SCN2A: variants seen among roughly 807,000 people sequenced by gnomAD.
The protein encoded by SCN2A is sodium voltage-gated channel alpha subunit 2, also known as sodium channel protein type 2 subunit alpha.
A neutral mutation model predicts 188.7 loss-of-function variants in SCN2A; 20 were observed. The ratio of observed to expected loss-of-function variants is 0.11; its 90% CI spans 0.07 to 0.15. The LOEUF is 0.15. Ranked by LOEUF, SCN2A falls within the 10% of genes least tolerant of loss-of-function variation. SCN2A has a pLI of 1.00. For missense variants in SCN2A, 1,278 were observed against 2,445.0 expected, an observed-to-expected ratio of 0.52 and a Z score of 10.07; for synonymous variants, 804 against 833.1, an observed-to-expected ratio of 0.97 and a Z score of 0.60.
chr2:165,390,361 C>T lies in SCN2A; in HGVS notation c.*537C>T, dbSNP rs1030558217. ...TACATTTCTCTATTGTATTGTATAA[C>T]TGGATATATTTTAAATGGAGGCATG... On this transcript the variant is annotated 3_prime_UTR_variant, in exon 27 of 27. Coordinates refer to ENST00000375437, the MANE Select transcript of SCN2A (RefSeq NM_001040142.2). The T allele has an allele frequency of 3.2e-5, 5 of 154,254 alleles. No homozygotes were observed. The highest frequency in any genetic ancestry group is 1.2e-4 in the African/African-American group (5 of 41,388). The allele number at this position is 154,254 out of a possible 1,614,324, so 9.6% of individuals were successfully genotyped here. A position where few individuals can be genotyped will look rare whatever the true frequency, so the allele number is the denominator to read the frequency against.
intron 1 of SCN2A, among the ~76,000 whole-genome samples, chr2:165,286,308 T>C (rs1439086854): frequency 1.3e-5 from 2 of 152,186 alleles, no homozygotes; most frequent in African/African-American, 4.8e-5. Context: ...GGGCTCACCA[T>C]GTGCATGTAG....
chr2:165,367,145 A>G, intron 18 of SCN2A, 72 bp from the exon 19 acceptor site: 2 of 1,432,130 alleles, frequency 1.4e-6, no homozygotes, highest in Non-Finnish European at 2.0e-6. Flanking sequence ...ATGTAAATGA[A>G]TCTCCCACCA....
At chr2:165,300,311 T>C (rs931671042) in intron 3 of SCN2A, among the ~76,000 whole-genome samples, 4 of 152,200 alleles carry the variant, frequency 2.6e-5, no homozygotes, top group African/African-American at 4.8e-5. Flanking sequence ...CTTGTAAGCA[T>C]TGGGATGCAA....
chr2:165,245,860 GA>G (rs1414290029), intron 1 of SCN2A, among the ~76,000 whole-genome samples: 1 of 152,162 alleles, frequency 6.6e-6, no homozygotes, highest in Non-Finnish European at 1.5e-5. Flanking sequence ...CTAAGTGTTA[GA>G]AAGTTAAAAT....
At chr2:165,297,651 C>T (rs534996341) in intron 3 of SCN2A, among the ~76,000 whole-genome samples, 22 of 152,176 alleles carry the variant, frequency 1.4e-4, no homozygotes, top group Admixed American at 1.4e-3. Context: ...GGTATAACAC[C>T]CTTTCAAATA....
At chr2:165,334,049 G>T (rs574099190) in intron 14 of SCN2A, among the ~76,000 whole-genome samples, 21 of 148,406 alleles carry the variant, frequency 1.4e-4, no homozygotes, top group African/African-American at 2.5e-5. Flanking sequence ...AGTAACAAGC[G>T]CCTGAAACTG....
intron 6 of SCN2A, among the ~76,000 whole-genome samples, chr2:165,309,766 A>T (rs3769934): frequency 6.6e-6 from 1 of 152,020 alleles, no homozygotes; most frequent in Non-Finnish European, 1.5e-5. Flanking sequence ...CAAATTTGAC[A>T]GTTTAGGCCT....
chr2:165,298,471 C>G (rs1017852486), intron 3 of SCN2A, among the ~76,000 whole-genome samples: 1 of 152,140 alleles, frequency 6.6e-6, no homozygotes, highest in Non-Finnish European at 1.5e-5. Context: ...GGTTGTTCCT[C>G]TTCCCCAGTT....
chr2:165,373,180 AT>A, intron 20 of SCN2A, 44 bp from the exon 21 acceptor site: 1 of 1,605,030 alleles, frequency 6.2e-7, no homozygotes, highest in Non-Finnish European at 8.5e-7. Flanking sequence ...CTGTGTAGAC[AT>A]TTTTATATGT....
At chr2:165,287,999 T>C (rs1574504767) in intron 1 of SCN2A, among the ~76,000 whole-genome samples, 2 of 152,322 alleles carry the variant, frequency 1.3e-5, no homozygotes, top group East Asian at 3.9e-4. Context: ...ATGTCTGAAT[T>C]ATTCATATTT....
chr2:165,384,808 T>C (rs548780408), intron 25 of SCN2A, among the ~76,000 whole-genome samples: 8 of 151,662 alleles, frequency 5.3e-5, no homozygotes, highest in African/African-American at 1.9e-4. Flanking sequence ...AGAGAAGGAG[T>C]GGGGGACATG....
intron 14 of SCN2A, among the ~76,000 whole-genome samples, chr2:165,333,277 T>TA (rs922357781): frequency 1.3e-5 from 2 of 151,940 alleles, no homozygotes; most frequent in Non-Finnish European, 2.9e-5. Context: ...GGGCTGGTCT[T>TA]ACGTGTTAAG....
chr2:165,366,175 T>G (rs12468128), intron 18 of SCN2A, among the ~76,000 whole-genome samples: 32,626 of 152,134 alleles, frequency 0.21, 4,072 homozygotes, highest in East Asian at 0.34. Context: ...CTCATAATAC[T>G]TTGTTTTGTG....
At chr2:165,365,834 T>A (rs1048135537) in intron 18 of SCN2A, among the ~76,000 whole-genome samples, 1 of 152,290 alleles carries the variant, frequency 6.6e-6, no homozygotes, top group Non-Finnish European at 1.5e-5. Flanking sequence ...TCATATGATA[T>A]GGGGCAATAT....
chr2:165,381,898 C>T (rs145129021), intron 25 of SCN2A, among the ~76,000 whole-genome samples: 12 of 152,086 alleles, frequency 7.9e-5, no homozygotes, highest in African/African-American at 2.4e-4. Context: ...TCTTCCCCAA[C>T]GTATACGTGG....
chr2:165,392,217 T>A lies in SCN2A; in HGVS notation c.*2393T>A, dbSNP rs1702145409. On this transcript the variant is annotated 3_prime_UTR_variant, in exon 27 of 27. Transcript: ENST00000375437. ...AGTTAATTAAGAAGAGTGTATTGGATAACTACTTTAATATTGGCCAAAAAG... is the reference window on the plus strand; with the variant it reads ...AGTTAATTAAGAAGAGTGTATTGGAAAACTACTTTAATATTGGCCAAAAAG... 6.6e-6 allele frequency: 1 copy of A among 152,534 alleles called. No homozygotes were observed. The highest frequency in any genetic ancestry group is 2.4e-5 in the African/African-American group (1 of 41,432). The allele number at this position is 152,534 out of a possible 1,614,324, so 9.4% of individuals were successfully genotyped here.
At chr2:165,387,650 A>AAT (rs1020021482) in intron 26 of SCN2A, among the ~76,000 whole-genome samples, 3 of 152,204 alleles carry the variant, frequency 2.0e-5, no homozygotes, top group South Asian at 2.1e-4. Context: ...TATTGGAAAA[A>AAT]ATATATATAT....
At chr2:165,388,311 A>G (rs1319100927) in intron 26 of SCN2A, among the ~76,000 whole-genome samples, 2 of 152,182 alleles carry the variant, frequency 1.3e-5, no homozygotes, top group Admixed American at 1.3e-4. Context: ...TTTTGGACAT[A>G]TAAATTAATT....
intron 1 of SCN2A, chr2:165,243,728 C>T (rs1289236491): frequency 2.0e-5 from 3 of 152,020 alleles, no homozygotes; most frequent in African/African-American, 7.2e-5. Context: ...CCTCTTGGGG[C>T]TTTCTTAGAG....
Sources: gnomAD v4.1 joint callset for allele counts (sites outside exome capture counted in the v4.1 genomes callset) on GRCh38, gnomAD v4.1.1 for gene constraint, MANE v1.5 for transcripts, NCBI Gene and HGNC (gene_info 2026-07-23, HGNC 2026-07-21) for gene names.